MACROD1: variants seen among roughly 807,000 people sequenced by gnomAD.
MACROD1 encodes the protein ADP-ribose glycohydrolase MACROD1.
Under a neutral mutation model 41.4 loss-of-function variants are expected in MACROD1, and 31 were observed. The ratio of observed to expected loss-of-function variants is 0.75; its 90% CI spans 0.56 to 1.01. MACROD1 has a LOEUF of 1.01. Ranked by LOEUF, MACROD1 falls within the 50% of genes least tolerant of loss-of-function variation. MACROD1 has a pLI of 0.00. For synonymous variants in MACROD1, 252 were observed against 203.4 expected, an observed-to-expected ratio of 1.24 and a Z score of -2.03; for missense variants, 473 against 460.0, an observed-to-expected ratio of 1.03 and a Z score of -0.26.
rs1942818221 is a variant in MACROD1, at chr11:64,001,120, C to G, written c.548-777G>C. 1.3e-5 allele frequency: 5 copies of G among 381,114 alleles called. No individual in the cohort carries two copies. The South Asian group carries it at 1.6e-4, about 12-fold the overall frequency. The allele number at this position is 381,114 out of a possible 1,614,324, so 23.6% of individuals were successfully genotyped here. A position where few individuals can be genotyped will look rare whatever the true frequency, so the allele number is the denominator to read the frequency against. ...GGGGACCCGGGCGCAGATAAACAAC[C>G]GGGGCGCAGCGGGAGGCATGGAGGA... On this transcript the variant is annotated intron_variant, in intron 4 of 10. Coordinates refer to ENST00000255681, the MANE Select transcript of MACROD1 (RefSeq NM_014067.4).
At chr11:64,029,043 C>G (rs1050320327) in intron 3 of MACROD1, among the ~76,000 whole-genome samples, 3 of 152,214 alleles carry the variant, frequency 2.0e-5, no homozygotes, top group African/African-American at 7.2e-5. Context: ...TCAGACTCTC[C>G]CATCCCCACC....
chr11:64,022,020 A>G (rs1590807715), intron 3 of MACROD1, among the ~76,000 whole-genome samples: 2 of 114,506 alleles, frequency 1.7e-5, no homozygotes, highest in African/African-American at 3.4e-5. Context: ...AGCTGGTGTG[A>G]GCAGCACAGC....
At chr11:64,116,768 C>T (rs1329963130) in intron 3 of MACROD1, 4 of 1,613,576 alleles carry the variant, frequency 2.5e-6, no homozygotes, top group Non-Finnish European at 3.4e-6. Context: ...CCACCGTCAG[C>T]ATTGAGGAGG....
At chr11:64,014,509 G>A (rs774190771) in intron 4 of MACROD1, among the ~76,000 whole-genome samples, 2 of 152,196 alleles carry the variant, frequency 1.3e-5, no homozygotes, top group African/African-American at 2.4e-5. Flanking sequence ...GGATTTATCC[G>A]ACGGCACATT....
intron 3 of MACROD1, among the ~76,000 whole-genome samples, chr11:64,051,569 T>C (rs989557002): frequency 1.3e-5 from 2 of 152,218 alleles, no homozygotes; most frequent in Non-Finnish European, 2.9e-5. Flanking sequence ...AGAGACTAAA[T>C]CTGTCCGGGT....
rs1412632638 is a variant in MACROD1, at chr11:64,013,582, GC to G, written c.547+1669del. Reference sequence around the variant, plus strand: ...GGCCATGCTAAGGAACTTGGCCTAGGCCCTGAGTGAGACAAGAACCCTGGCA... The same window carrying G: ...GGCCATGCTAAGGAACTTGGCCTAGGCCTGAGTGAGACAAGAACCCTGGCA... On this transcript the variant is annotated intron_variant, in intron 4 of 10. Transcript: ENST00000255681. 2.6e-5 allele frequency among the ~76,000 whole-genome samples: 4 copies of G among 152,360 alleles called. No individual in the cohort carries two copies. The East Asian group carries it at 7.7e-4, about 29-fold the overall frequency.
intron 3 of MACROD1, among the ~76,000 whole-genome samples, chr11:64,131,810 C>G (rs58941352): frequency 1.3e-5 from 2 of 152,192 alleles, no homozygotes; most frequent in Non-Finnish European, 2.9e-5. Context: ...TCACGTGCTG[C>G]CTGCCGGTAA....
At chr11:64,115,183 C>A (rs906679641) in intron 3 of MACROD1, among the ~76,000 whole-genome samples, 2 of 152,194 alleles carry the variant, frequency 1.3e-5, no homozygotes, top group Non-Finnish European at 2.9e-5. Flanking sequence ...ACCTTCCTCA[C>A]TGAGACTGAA....
rs1379642094 is a variant in MACROD1, at chr11:64,082,557, C to T, written c.518-67276G>A. Among the ~76,000 whole-genome samples the T allele has an allele frequency of 6.6e-6, 1 of 151,938 alleles. No individual in the cohort carries two copies. The highest frequency in any genetic ancestry group is 1.5e-5 in the Non-Finnish European group (1 of 67,982). Reference sequence around the variant, plus strand: ...TGGCCGTGGGAGTCAGAGCTCCAGGCGGAAGTAGGGTTCAGATTCAGGTGA... The same window carrying T: ...TGGCCGTGGGAGTCAGAGCTCCAGGTGGAAGTAGGGTTCAGATTCAGGTGA... On this transcript the variant is annotated intron_variant, in intron 3 of 10. Coordinates refer to ENST00000255681, the MANE Select transcript of MACROD1 (RefSeq NM_014067.4). The surrounding 1 kb of genome is among the most constrained non-coding windows in gnomAD (Gnocchi z 4.5).
At chr11:64,025,053 T>C (rs529176594) in intron 3 of MACROD1, among the ~76,000 whole-genome samples, 2 of 152,290 alleles carry the variant, frequency 1.3e-5, no homozygotes, top group East Asian at 3.9e-4. Flanking sequence ...CTGGGCTCAC[T>C]GCACCCTCCA....
chr11:64,085,462 A>T (rs1944377297), intron 3 of MACROD1, among the ~76,000 whole-genome samples: 1 of 152,230 alleles, frequency 6.6e-6, no homozygotes, highest in East Asian at 1.9e-4. Context: ...GGCTGCCGGG[A>T]CCAGGCCATG....
At chr11:64,106,207 G>A (rs577396132) in intron 3 of MACROD1, among the ~76,000 whole-genome samples, 19 of 152,270 alleles carry the variant, frequency 1.2e-4, no homozygotes, top group Non-Finnish European at 2.4e-4. Context: ...CTGGGTTTGT[G>A]GCCACCCCTC....
intron 3 of MACROD1, among the ~76,000 whole-genome samples, chr11:64,131,208 T>C (rs1945260468): frequency 6.6e-6 from 1 of 152,070 alleles, no homozygotes; most frequent in Admixed American, 6.5e-5. Flanking sequence ...CTGAAGCGGG[T>C]GAGGACACCC....
intron 3 of MACROD1, among the ~76,000 whole-genome samples, chr11:64,107,352 C>T (rs1294992633): frequency 6.6e-6 from 1 of 151,578 alleles, no homozygotes; most frequent in Non-Finnish European, 1.5e-5. Context: ...CCCACCCCCT[C>T]CTGGCCTTGA....
chr11:64,053,549 C>G (rs1039998632), intron 3 of MACROD1, among the ~76,000 whole-genome samples: 1 of 152,108 alleles, frequency 6.6e-6, no homozygotes, highest in Non-Finnish European at 1.5e-5. Context: ...TAGGGACAAC[C>G]CTGGACTCAG....
chr11:64,040,428 C>G (rs1001689587), intron 3 of MACROD1, among the ~76,000 whole-genome samples: 1 of 152,182 alleles, frequency 6.6e-6, no homozygotes, highest in African/African-American at 2.4e-5. Flanking sequence ...GGCACCCGGC[C>G]AGGGCTGGGG....
intron 3 of MACROD1, among the ~76,000 whole-genome samples, chr11:64,069,946 G>A (rs776196060): frequency 7.2e-5 from 11 of 152,032 alleles, no homozygotes; most frequent in South Asian, 2.1e-4. Flanking sequence ...CCCGACTCGC[G>A]CCCAGTGGGA....
chr11:64,072,469 C>T (rs1433237659), intron 3 of MACROD1, among the ~76,000 whole-genome samples: 5 of 151,878 alleles, frequency 3.3e-5, no homozygotes, highest in Admixed American at 2.0e-4. Context: ...AAATATGAAA[C>T]GTACATGTGG....
intron 3 of MACROD1, among the ~76,000 whole-genome samples, chr11:64,024,852 C>G (rs1943204564): frequency 6.6e-6 from 1 of 152,144 alleles, no homozygotes; most frequent in Non-Finnish European, 1.5e-5. Flanking sequence ...GCCCGACTGC[C>G]CCGTAGGAAA....
Sources: allele counts gnomAD v4.1 joint callset (sites outside exome capture counted in the v4.1 genomes callset), GRCh38; gene constraint gnomAD v4.1.1; non-coding constraint Gnocchi (gnomAD v3.1); transcripts MANE v1.5; gene names NCBI Gene and HGNC (gene_info 2026-07-23, HGNC 2026-07-21).